The following NDRG3 variants were observed in gnomAD, a reference collection of about 807,000 sequenced individuals.
The protein encoded by NDRG3 is protein NDRG3.
NDRG3 carries 23 observed loss-of-function variants against 57.2 expected under a neutral mutation model. The ratio of observed to expected loss-of-function variants is 0.40; its 90% CI spans 0.29 to 0.57. NDRG3 has a LOEUF of 0.57. Ranked by LOEUF, NDRG3 falls within the 20% of genes least tolerant of loss-of-function variation. The pLI is 0.42. For synonymous variants in NDRG3, 132 were observed against 162.6 expected (o/e 0.81, Z 1.43); for missense variants, 384 against 457.3 (o/e 0.84, Z 1.46).
chr20:36,718,177 C>A (rs1984384415), intron 2 of NDRG3, among the ~76,000 whole-genome samples: 1 of 152,204 alleles, frequency 6.6e-6, no homozygotes, highest in African/African-American at 2.4e-5. Context: ...ACAAAACCAT[C>A]CACTTGCTGC....
At chr20:36,688,869 G>A (rs1056365164) in intron 3 of NDRG3, 85 bp from the exon 4 acceptor site, 11 of 933,586 alleles carry the variant, frequency 1.2e-5, no homozygotes, top group African/African-American at 4.9e-5. Flanking sequence ...CTTTACCACC[G>A]TTTCCCACGA....
Position 36,687,582 on chromosome 20 carries a change from A to G in NDRG3, c.230T>C (p.Phe77Ser). 6.2e-7 allele frequency: 1 copy of G among 1,614,024 alleles called. No homozygotes were observed. Among genetic ancestry groups the G allele is most frequent in the Non-Finnish European group, 8.5e-7 (1 of 1,179,946 alleles). Residue 77 changes from phenylalanine to serine, a missense_variant, in exon 5 of 16, where the codon TTT (phenylalanine) becomes TCT (serine). Physicochemically the swap from Phe to Ser is radical, Grantham distance 155. Transcript: ENST00000349004. ...HKSCFNAFFN[F>S]EDMQEITQHF... ...CTGGGTGATCTCTTGCATATCCTCA[A>G]AGTTAAAGAATGCATTGAAACAGGA...
At chr20:36,738,993 A>G (rs959966293) in intron 1 of NDRG3, among the ~76,000 whole-genome samples, 1 of 149,416 alleles carries the variant, frequency 6.7e-6, no homozygotes, top group Admixed American at 6.7e-5. Flanking sequence ...GGGTGATGGC[A>G]TGCACCTGTA....
chr20:36,708,335 T>C (rs982004213), intron 2 of NDRG3, among the ~76,000 whole-genome samples: 7 of 152,140 alleles, frequency 4.6e-5, no homozygotes, highest in African/African-American at 9.7e-5. Flanking sequence ...CCCATCTCCC[T>C]TCAAGATGAT....
At chr20:36,701,537 C>A (rs1983221483) in intron 3 of NDRG3, among the ~76,000 whole-genome samples, 1 of 150,800 alleles carries the variant, frequency 6.6e-6, no homozygotes, top group South Asian at 2.1e-4. Flanking sequence ...AAAGTAAGAC[C>A]CTGTATCTTT....
chr20:36,717,146 CA>C (rs1984323276), intron 2 of NDRG3, among the ~76,000 whole-genome samples: 1 of 152,012 alleles, frequency 6.6e-6, no homozygotes, highest in South Asian at 2.1e-4. Flanking sequence ...TCACTAGAGC[CA>C]AAACAAGTAT....
intron 3 of NDRG3, among the ~76,000 whole-genome samples, chr20:36,689,584 G>A (rs1982081928): frequency 6.6e-6 from 1 of 152,058 alleles, no homozygotes; most frequent in Non-Finnish European, 1.5e-5. Context: ...CTGTCCTTCT[G>A]TGTCATCCAC....
At chr20:36,680,496 A>T (rs1393477227) in intron 8 of NDRG3, among the ~76,000 whole-genome samples, 1 of 152,006 alleles carries the variant, frequency 6.6e-6, no homozygotes, top group African/African-American at 2.4e-5. Context: ...AAAAAAAAAA[A>T]AAAATACAGT....
chr20:36,739,923 A>C (rs895541097), intron 1 of NDRG3, among the ~76,000 whole-genome samples: 3 of 151,318 alleles, frequency 2.0e-5, no homozygotes, highest in African/African-American at 4.8e-5. Context: ...AAAAAAAAAA[A>C]AAAAAAAAAC....
chr20:36,694,855 T>C (rs986494051), intron 3 of NDRG3, among the ~76,000 whole-genome samples: 4 of 152,088 alleles, frequency 2.6e-5, no homozygotes, highest in African/African-American at 9.7e-5. Flanking sequence ...CCTCTCAGGC[T>C]CAAGCAATTC....
intron 3 of NDRG3, among the ~76,000 whole-genome samples, chr20:36,700,096 A>T (rs1247141562): frequency 6.7e-6 from 1 of 148,344 alleles, no homozygotes; most frequent in African/African-American, 2.5e-5. Flanking sequence ...CCTGGGTGAC[A>T]GAGTGACAAT....
Position 36,669,452 on chromosome 20 carries a change from G to A in NDRG3, c.588+1889C>T, listed in dbSNP as rs1979946198. On this transcript the variant is annotated intron_variant, in intron 9 of 15. Transcript: ENST00000349004. ...TCACCATGTTGGCCTGGCTGGTCTT[G>A]AACTCCTGACCTCGTGATCCACCTG... 2.0e-5 allele frequency among the ~76,000 whole-genome samples: 3 copies of A among 151,694 alleles called. No individual in the cohort carries two copies. The South Asian group carries it at 6.2e-4, about 32-fold the overall frequency.
At chr20:36,668,870 G>A (rs1979874588) in intron 9 of NDRG3, among the ~76,000 whole-genome samples, 1 of 151,782 alleles carries the variant, frequency 6.6e-6, no homozygotes, top group Admixed American at 6.6e-5. Context: ...TAGTGAGGAT[G>A]TTCTTGCTTT....
At chr20:36,743,004 CA>C (rs778253832) in intron 1 of NDRG3, among the ~76,000 whole-genome samples, 14 of 152,168 alleles carry the variant, frequency 9.2e-5, no homozygotes, top group South Asian at 6.2e-4. Flanking sequence ...TTGATACAAC[CA>C]GGGGCAATCA....
intron 10 of NDRG3, among the ~76,000 whole-genome samples, 165 bp downstream of exon 10, chr20:36,666,124 C>T (rs542227388): frequency 1.3e-3 from 200 of 152,262 alleles, no homozygotes; most frequent in Non-Finnish European, 2.4e-3. Context: ...TACAGCTGAT[C>T]CATTTCCTCA....
intron 7 of NDRG3, 141 bp downstream of exon 7, chr20:36,682,377 C>T (rs1600890275): frequency 1.6e-6 from 1 of 618,954 alleles, no homozygotes; most frequent in Non-Finnish European, 2.8e-6. Context: ...AGGCTTTATA[C>T]AACCTGTATC....
chr20:36,670,637 T>C lies in NDRG3; in HGVS notation c.588+704A>G, dbSNP rs761106843. On this transcript the variant is annotated intron_variant, in intron 9 of 15. Coordinates refer to ENST00000349004, the MANE Select transcript of NDRG3 (RefSeq NM_032013.4). ...GTTTGCACATCTAAAGTATTATAAA[T>C]AATCAGTACTCGATAAATGCTAGTT... 2.8e-4 allele frequency among the ~76,000 whole-genome samples: 42 copies of C among 152,174 alleles called. 1 individual carries two copies. Among genetic ancestry groups the C allele is most frequent in the Non-Finnish European group, 1.5e-4 (10 of 68,032 alleles).
At chr20:36,712,390 TTTC>T (rs1983939896) in intron 2 of NDRG3, among the ~76,000 whole-genome samples, 1 of 144,160 alleles carries the variant, frequency 6.9e-6, no homozygotes, top group Admixed American at 6.9e-5. Context: ...TCTTTTTCTT[TTTC>T]TTTTTTTTTT....
At chr20:36,708,298 T>C (rs1479083987) in intron 2 of NDRG3, among the ~76,000 whole-genome samples, 1 of 152,018 alleles carries the variant, frequency 6.6e-6, no homozygotes, top group African/African-American at 2.4e-5. Context: ...ACTCCAGATA[T>C]CTGATCCCCA....
Sources: gnomAD v4.1 joint callset for allele counts (sites outside exome capture counted in the v4.1 genomes callset) on GRCh38, gnomAD v4.1.1 for gene constraint, MANE v1.5 for transcripts, NCBI Gene and HGNC (gene_info 2026-07-23, HGNC 2026-07-21) for gene names.